The following NPRL3 variants were observed in gnomAD, a reference collection of about 807,000 sequenced individuals.
NPRL3 encodes the protein GATOR1 complex protein NPRL3.
Under a neutral mutation model 57.2 loss-of-function variants are expected in NPRL3, and 23 were observed. That is an observed-to-expected ratio of 0.40 (90% confidence interval 0.29 to 0.57). The LOEUF (loss-of-function observed/expected upper bound fraction) is 0.57. Among genes scored for constraint, NPRL3 ranks in the 20% least tolerant of loss-of-function variants. The pLI, the probability that NPRL3 is intolerant of heterozygous loss-of-function variation, is 0.42. For missense variants in NPRL3, 691 were observed against 767.1 expected, an observed-to-expected ratio of 0.90 and a Z score of 1.17; for synonymous variants, 333 against 321.1, an observed-to-expected ratio of 1.04 and a Z score of -0.39.
rs373390759 is a variant in NPRL3 at position 112,606 on chromosome 16, G to A, written c.547+16C>T. The A allele has an allele frequency of 1.4e-5, 22 of 1,534,660 alleles. No individual in the cohort carries two copies. The highest frequency in any genetic ancestry group is 1.1e-4 in the Admixed American group (6 of 53,412). ...GCCAGCCCAGACCCATGCCCATCAC[G>A]CCCTGCTGCACTCACCATCAGCCAT... On this transcript the variant is annotated intron_variant, in intron 6 of 13. Coordinates refer to ENST00000611875, the MANE Select transcript of NPRL3 (RefSeq NM_001077350.3).
chr16:89,014 T>C (rs1596495442), intron 12 of NPRL3, 124 bp from the exon 13 acceptor site: 1 of 846,898 alleles, frequency 1.2e-6, no homozygotes, highest in South Asian at 1.7e-5. Flanking sequence ...AGGGTACATC[T>C]GCCTGCAAGC....
intron 2 of NPRL3, among the ~76,000 whole-genome samples, chr16:135,459 A>T (rs930390850): frequency 2.0e-5 from 3 of 152,096 alleles, no homozygotes; most frequent in African/African-American, 7.2e-5. Context: ...AAATACAAAA[A>T]TTAGCCAGGC....
chr16:102,677 G>A (rs945927289), intron 7 of NPRL3, among the ~76,000 whole-genome samples: 3 of 152,122 alleles, frequency 2.0e-5, no homozygotes, highest in Non-Finnish European at 2.9e-5. Context: ...ACCCACATCC[G>A]GCTAAGTCCG....
chr16:134,087 T>C (rs1900939573), intron 2 of NPRL3, among the ~76,000 whole-genome samples: 1 of 152,062 alleles, frequency 6.6e-6, no homozygotes, highest in Non-Finnish European at 1.5e-5. Context: ...ACTGCAAGAA[T>C]TACCAAAACA....
At chr16:123,497 T>A (rs779116856) in intron 3 of NPRL3, 4 of 471,046 alleles carry the variant, frequency 8.5e-6, no homozygotes, top group South Asian at 6.2e-5. Context: ...TGGAGAGGTC[T>A]CGGTCTTACC....
chr16:106,878 G>A (rs1899554635), intron 7 of NPRL3, among the ~76,000 whole-genome samples: 1 of 152,126 alleles, frequency 6.6e-6, no homozygotes, highest in East Asian at 1.9e-4. Context: ...AGACCCTTGA[G>A]GCCAACCATG....
chr16:96,553 G>A (rs1010501131), intron 9 of NPRL3, among the ~76,000 whole-genome samples: 3 of 148,670 alleles, frequency 2.0e-5, no homozygotes, highest in South Asian at 4.2e-4. Flanking sequence ...GCTCATGCCT[G>A]TAATACCAGC....
chr16:97,372 G>A (rs1187153580), intron 9 of NPRL3, among the ~76,000 whole-genome samples: 8 of 148,238 alleles, frequency 5.4e-5, no homozygotes, highest in African/African-American at 1.7e-4. Context: ...ATACCCCCAA[G>A]TAGCTGGGAC....
chr16:92,853 G>T, intron 10 of NPRL3, 128 bp from the exon 11 acceptor site: 1 of 1,244,042 alleles, frequency 8.0e-7, no homozygotes, highest in Non-Finnish European at 1.1e-6. Flanking sequence ...AGGGCAGAAC[G>T]GTATGAGGCC....
chr16:100,634 G>A lies in NPRL3; in HGVS notation c.630-125C>T, dbSNP rs1422175130. 94 of 914,188 alleles carry A rather than the reference G, an allele frequency of 1.0e-4. 1 individual carries two copies. The highest frequency in any genetic ancestry group is 1.3e-4 in the Non-Finnish European group (86 of 675,908). The allele number at this position is 914,188 out of a possible 1,614,324, so 56.6% of individuals were successfully genotyped here. On this transcript the variant is annotated intron_variant, in intron 7 of 13. Transcript: ENST00000611875. Reference sequence around the variant, plus strand: ...TAGGGGAAACTGCAGGTGGAGACCCGGGCAGGAGAGCATCTCTTAAGATCA... The same window carrying A: ...TAGGGGAAACTGCAGGTGGAGACCCAGGCAGGAGAGCATCTCTTAAGATCA...
intron 11 of NPRL3, among the ~76,000 whole-genome samples, chr16:91,263 C>G (rs891499850): frequency 6.6e-6 from 1 of 151,892 alleles, no homozygotes; most frequent in African/African-American, 2.4e-5. Context: ...CCTGTAAACC[C>G]AGCTACTCGG....
intron 7 of NPRL3, among the ~76,000 whole-genome samples, chr16:108,543 A>G (rs1310824966): frequency 6.6e-6 from 1 of 152,174 alleles, no homozygotes; most frequent in Non-Finnish European, 1.5e-5. Flanking sequence ...ACACAGGTAA[A>G]TGGTTAGCAC....
intron 3 of NPRL3, among the ~76,000 whole-genome samples, chr16:123,329 A>T (rs1054800827): frequency 6.6e-6 from 1 of 152,108 alleles, no homozygotes; most frequent in Non-Finnish European, 1.5e-5. Context: ...GGTAGAGAAA[A>T]AGCCGGGGTG....
intron 7 of NPRL3, among the ~76,000 whole-genome samples, chr16:102,951 C>G (rs1899361809): frequency 6.6e-6 from 1 of 152,098 alleles, no homozygotes; most frequent in Admixed American, 6.6e-5. Flanking sequence ...AATGTCCCAG[C>G]CGCTAAGGAA....
At chr16:108,214 C>G (rs945120087) in intron 7 of NPRL3, among the ~76,000 whole-genome samples, 2 of 152,104 alleles carry the variant, frequency 1.3e-5, no homozygotes, top group Non-Finnish European at 2.9e-5. Context: ...CTTATATCTC[C>G]CGATAGAAGA....
chr16:89,121 T>G, intron 12 of NPRL3: 1 of 559,546 alleles, frequency 1.8e-6, no homozygotes, highest in Non-Finnish European at 3.2e-6. Flanking sequence ...TCAAGGGACC[T>G]GAACAGAGGT....
intron 2 of NPRL3, among the ~76,000 whole-genome samples, chr16:136,251 A>G (rs1256972437): frequency 6.6e-6 from 1 of 152,260 alleles, no homozygotes; most frequent in East Asian, 1.9e-4. Flanking sequence ...CAATATGTTC[A>G]TCTCATGGAA....
At chr16:138,408 C>G (rs1253177183) in intron 1 of NPRL3, 74 bp from the exon 2 acceptor site, 1 of 423,734 alleles carries the variant, frequency 2.4e-6, no homozygotes, top group African/African-American at 2.8e-5. Context: ...CTGAGGAGGG[C>G]AGGGGTGGAG....
chr16:95,939 G>A (rs115111604), intron 9 of NPRL3, among the ~76,000 whole-genome samples: 2,656 of 152,242 alleles, frequency 0.017, 78 homozygotes, highest in African/African-American at 0.059. Flanking sequence ...GGCTATCTCC[G>A]GAAACAGAGT....
Sources: gnomAD v4.1 joint callset for allele counts (sites outside exome capture counted in the v4.1 genomes callset) on GRCh38, gnomAD v4.1.1 for gene constraint, MANE v1.5 for transcripts, NCBI Gene and HGNC (gene_info 2026-07-23, HGNC 2026-07-21) for gene names.